Variants in TAF1B observed in about 807,000 individuals in gnomAD.
The protein encoded by TAF1B is TATA-box binding protein associated factor, RNA polymerase I subunit B, also known as TATA box-binding protein-associated factor RNA polymerase I subunit B.
In TAF1B, 61 loss-of-function variants were observed where a neutral mutation model predicts 83.9. The observed-to-expected ratio is 0.73, with a 90% CI of 0.59 to 0.90. TAF1B has a LOEUF of 0.90. TAF1B is among the 40% of genes least tolerant of loss of function. The pLI is 0.00. For synonymous variants in TAF1B, 221 were observed against 224.6 expected (o/e 0.98, Z 0.14); for missense variants, 625 against 677.0 (o/e 0.92, Z 0.85).
intron 5 of TAF1B, among the ~76,000 whole-genome samples, chr2:9,855,494 C>T (rs1386101818): frequency 6.6e-6 from 1 of 152,028 alleles, no homozygotes; most frequent in Non-Finnish European, 1.5e-5. Context: ...GCCTGGGTAA[C>T]ATAATGAGAC....
At chr2:9,885,611 T>G (rs188167882) in intron 8 of TAF1B, among the ~76,000 whole-genome samples, 11 of 152,324 alleles carry the variant, frequency 7.2e-5, no homozygotes, top group African/African-American at 2.6e-4. Flanking sequence ...TGTGAATCTT[T>G]ATGTCTTCAC....
At chr2:9,926,763 T>C (rs868041351) in intron 14 of TAF1B, among the ~76,000 whole-genome samples, 9 of 133,138 alleles carry the variant, frequency 6.8e-5, no homozygotes, top group Non-Finnish European at 4.7e-5. Context: ...CACTTGAACC[T>C]GGGAGGCAGA....
chr2:9,846,251 A>T, intron 2 of TAF1B: 5 of 393,550 alleles, frequency 1.3e-5, no homozygotes, highest in Non-Finnish European at 2.5e-5. Context: ...AGAGATTGTC[A>T]TATTGTCCTG....
chr2:9,912,337 A>G (rs955553161), intron 11 of TAF1B, among the ~76,000 whole-genome samples: 1 of 147,976 alleles, frequency 6.8e-6, no homozygotes, highest in Non-Finnish European at 1.5e-5. Flanking sequence ...TGTGGTGAAT[A>G]TGTGGATTAT....
intron 14 of TAF1B, among the ~76,000 whole-genome samples, chr2:9,930,442 C>T (rs1218050057): frequency 6.6e-6 from 1 of 152,180 alleles, no homozygotes; most frequent in African/African-American, 2.4e-5. Context: ...CATTCAGGAA[C>T]AGGTTGTTCA....
rs528137991 is a variant in TAF1B, at chr2:9,899,933, C to T, written c.808-4926C>T. On this transcript the variant is annotated intron_variant, in intron 8 of 14. Transcript: ENST00000263663. ...AATCATAAAACAGCCTATCAAAGCA[C>T]GTTTTCTTAGCTGCTTAATATGATG... Among the ~76,000 whole-genome samples the T allele has an allele frequency of 4.6e-5, 7 of 152,132 alleles. No homozygotes were observed. The South Asian group carries it at 1.2e-3, about 27-fold the overall frequency.
At chr2:9,933,335 C>T (rs1666275756) in intron 14 of TAF1B, among the ~76,000 whole-genome samples, 1 of 152,226 alleles carries the variant, frequency 6.6e-6, no homozygotes, top group Non-Finnish European at 1.5e-5. Flanking sequence ...TTGGTAAACT[C>T]TTCTCTCACA....
At chr2:9,905,830 C>T (rs1040927537) in intron 9 of TAF1B, among the ~76,000 whole-genome samples, 25 of 151,818 alleles carry the variant, frequency 1.6e-4, no homozygotes, top group Non-Finnish European at 3.5e-4. Flanking sequence ...TATGTAGTAA[C>T]ATATATAAAT....
chr2:9,926,804 C>CA (rs71391175), intron 14 of TAF1B, among the ~76,000 whole-genome samples: 33,846 of 104,656 alleles, frequency 0.32, 5,617 homozygotes, highest in East Asian at 0.42. Flanking sequence ...GACTCTGTCT[C>CA]AAAAAAAAAA....
chr2:9,872,840 C>G (rs1484591716), intron 6 of TAF1B, among the ~76,000 whole-genome samples: 1 of 152,152 alleles, frequency 6.6e-6, no homozygotes, highest in Non-Finnish European at 1.5e-5. Flanking sequence ...ATCAGAATCA[C>G]CTGAAGAGCT....
intron 14 of TAF1B, among the ~76,000 whole-genome samples, chr2:9,926,966 T>C (rs527575165): frequency 4.6e-5 from 7 of 152,208 alleles, no homozygotes; most frequent in South Asian, 2.1e-4. Context: ...TGGTTTGCTG[T>C]ACCCATCAAC....
intron 7 of TAF1B, among the ~76,000 whole-genome samples, chr2:9,879,350 A>G (rs984484051): frequency 6.6e-6 from 1 of 152,244 alleles, no homozygotes; most frequent in African/African-American, 2.4e-5. Context: ...AACTACAAGT[A>G]ACTCATGGCT....
intron 6 of TAF1B, among the ~76,000 whole-genome samples, chr2:9,874,995 G>T (rs1319945639): frequency 1.3e-5 from 2 of 148,652 alleles, no homozygotes; most frequent in African/African-American, 5.0e-5. Flanking sequence ...ACAGAGTCTT[G>T]CTCTGTTACC....
At chr2:9,860,212 G>A (rs1456849989) in intron 5 of TAF1B, among the ~76,000 whole-genome samples, 2 of 152,132 alleles carry the variant, frequency 1.3e-5, no homozygotes, top group African/African-American at 4.8e-5. Flanking sequence ...TTTGGGTGGG[G>A]ACACAGAGCC....
chr2:9,913,037 A>G, intron 11 of TAF1B, 122 bp from the exon 12 acceptor site: 1 of 727,166 alleles, frequency 1.4e-6, no homozygotes, highest in Non-Finnish European at 2.3e-6. Flanking sequence ...TAATGTCTAC[A>G]TCTTGATCAC....
Position 9,861,085 on chromosome 2 carries a change from T to C in TAF1B, c.399+6664T>C, listed in dbSNP as rs568145837. ...GTACTGGGTTCATCTCACTGGGGAG[T>C]GCGGGACAGTGGGTGCAGGACAGCG... On this transcript the variant is annotated intron_variant, in intron 5 of 14. Transcript: ENST00000263663. 2.6e-5 allele frequency among the ~76,000 whole-genome samples: 4 copies of C among 151,708 alleles called. No homozygotes were observed. The East Asian group carries it at 7.8e-4, about 29-fold the overall frequency.
rs140253577 is a variant in TAF1B at position 9,934,000 on chromosome 2, A to C, written c.*16A>C. 2.4e-3 allele frequency: 3,658 copies of C among 1,554,998 alleles called. 78 individuals carry two copies. In the Admixed American group the frequency reaches 0.042, roughly 18 times the overall value. ...ACGACATTGAGAAAATGAAATAGAA[A>C]CTTTCTGGAAAAATATTTTAATAGT... On this transcript the variant is annotated 3_prime_UTR_variant, in exon 15 of 15. Transcript: ENST00000263663.
At chr2:9,851,137 T>C (rs1248872788) in intron 3 of TAF1B, among the ~76,000 whole-genome samples, 1 of 152,178 alleles carries the variant, frequency 6.6e-6, no homozygotes, top group African/African-American at 2.4e-5. Flanking sequence ...CTGCTGGGCA[T>C]CGTTCATCAT....
intron 12 of TAF1B, among the ~76,000 whole-genome samples, chr2:9,918,327 A>G (rs1180743684): frequency 6.6e-6 from 1 of 152,240 alleles, no homozygotes; most frequent in East Asian, 1.9e-4. Flanking sequence ...CACTAGAACT[A>G]GAAATAGAAC....
Sources: gnomAD v4.1 joint callset for allele counts (sites outside exome capture counted in the v4.1 genomes callset) on GRCh38, gnomAD v4.1.1 for gene constraint, MANE v1.5 for transcripts, NCBI Gene and HGNC (gene_info 2026-07-23, HGNC 2026-07-21) for gene names.